PTPRN2: variants seen among roughly 807,000 people sequenced by gnomAD.
The protein encoded by PTPRN2 is receptor-type tyrosine-protein phosphatase N2.
PTPRN2 carries 74 observed loss-of-function variants against 118.8 expected under a neutral mutation model. The observed-to-expected ratio is 0.62, with a 90% CI of 0.52 to 0.76. The LOEUF (loss-of-function observed/expected upper bound fraction) is 0.76. PTPRN2 is among the 30% of genes least tolerant of loss of function. The pLI is 0.00. For synonymous variants in PTPRN2, 641 were observed against 608.0 expected (o/e 1.05, Z -0.80); for missense variants, 1,481 against 1,394.4 (o/e 1.06, Z -0.99).
At chr7:158,410,594 C>A (rs1217116413) in intron 2 of PTPRN2, among the ~76,000 whole-genome samples, 1 of 152,206 alleles carries the variant, frequency 6.6e-6, no homozygotes, top group Non-Finnish European at 1.5e-5. Context: ...GCTTCGGTTT[C>A]CCCAACTTCG....
At chr7:158,337,308 A>T (rs1805810368) in intron 2 of PTPRN2, among the ~76,000 whole-genome samples, 1 of 151,232 alleles carries the variant, frequency 6.6e-6, no homozygotes, top group African/African-American at 2.4e-5. Context: ...TGTCACGCAC[A>T]GACATCATTC....
At position 157,560,293 on chromosome 7, in the gene PTPRN2, G is replaced by A. The variant is rs190463756; in HGVS notation, c.2902+8609C>T. On this transcript the variant is annotated intron_variant, in intron 21 of 22. Transcript: ENST00000389418. This position sits in a 1 kb window ranked among gnomAD's most constrained non-coding sequence, Gnocchi z 6.7. Reference sequence around the variant, plus strand: ...GTACACTCAGTGAGGACGGCTCCATGCACAGGGACGAAGACCCCCGAGGAG... The same window carrying A: ...GTACACTCAGTGAGGACGGCTCCATACACAGGGACGAAGACCCCCGAGGAG... Among the ~76,000 whole-genome samples the A allele has an allele frequency of 2.8e-3, 430 of 152,256 alleles. 1 individual carries two copies. Among genetic ancestry groups the A allele is most frequent in the African/African-American group, 9.7e-3 (401 of 41,540 alleles).
chr7:158,061,199 T>TA (rs535664930), intron 11 of PTPRN2, among the ~76,000 whole-genome samples: 50 of 152,324 alleles, frequency 3.3e-4, no homozygotes, highest in African/African-American at 1.1e-3. Flanking sequence ...CATCGCAAAT[T>TA]AAAGGGACAA....
intron 11 of PTPRN2, among the ~76,000 whole-genome samples, chr7:157,942,823 G>A (rs1480537388): frequency 6.6e-6 from 1 of 152,242 alleles, no homozygotes; most frequent in Non-Finnish European, 1.5e-5. Flanking sequence ...GCTCAACCTT[G>A]TCCTTCCTTT....
intron 11 of PTPRN2, among the ~76,000 whole-genome samples, chr7:158,080,780 A>G (rs527455686): frequency 5.9e-5 from 9 of 152,298 alleles, no homozygotes; most frequent in Non-Finnish European, 1.3e-4. Flanking sequence ...CCTGGGCTCT[A>G]AACAGTGAAA....
At chr7:157,569,967 G>A (rs1479524436) in intron 20 of PTPRN2, among the ~76,000 whole-genome samples, 1 of 152,256 alleles carries the variant, frequency 6.6e-6, no homozygotes, top group Non-Finnish European at 1.5e-5. Flanking sequence ...TGCCGTCTGT[G>A]ATCCCAAGAA....
intron 2 of PTPRN2, among the ~76,000 whole-genome samples, chr7:158,465,145 T>C (rs1481780896): frequency 6.6e-6 from 1 of 152,230 alleles, no homozygotes; most frequent in Non-Finnish European, 1.5e-5. Context: ...CCTCCTCTCC[T>C]GGGCCTTGTA....
intron 1 of PTPRN2, among the ~76,000 whole-genome samples, chr7:158,516,203 C>T (rs971739923): frequency 2.6e-5 from 4 of 152,162 alleles, no homozygotes; most frequent in African/African-American, 4.8e-5. Context: ...TTCCAGCCAG[C>T]GCAGTGGCTC....
chr7:157,750,507 A>G (rs1377942606), intron 12 of PTPRN2, among the ~76,000 whole-genome samples: 2 of 152,352 alleles, frequency 1.3e-5, no homozygotes, highest in African/African-American at 2.4e-5. Context: ...GTGGCAGGTA[A>G]CATGGAGCTG....
At position 158,281,075 on chromosome 7, in the gene PTPRN2, G is replaced by A. The variant is rs181712113; in HGVS notation, c.277+35744C>T. On this transcript the variant is annotated intron_variant, in intron 3 of 22. Transcript: ENST00000389418. ...TCCCACCACTTTGGGAGGCCGAGTC[G>A]GGCAGATCTCTTGAGATCAGGAGTT... Among the ~76,000 whole-genome samples, 71 of 152,302 alleles carry A rather than the reference G, an allele frequency of 4.7e-4. 1 individual carries two copies. Among genetic ancestry groups the A allele is most frequent in the South Asian group, 6.2e-4 (3 of 4,828 alleles).
intron 11 of PTPRN2, among the ~76,000 whole-genome samples, chr7:158,071,345 G>T (rs1238044279): frequency 1.6e-5 from 2 of 125,492 alleles, no homozygotes; most frequent in South Asian, 2.8e-4. Flanking sequence ...TGGTGGAGGT[G>T]CTCGTGGTGG....
Position 157,585,585 on chromosome 7 carries a change from A to T in PTPRN2, c.2497-7445T>A, listed in dbSNP as rs1800630231. On this transcript the variant is annotated intron_variant, in intron 17 of 22. Transcript: ENST00000389418. The surrounding 1 kb of genome is among the most constrained non-coding windows in gnomAD (Gnocchi z 5.2). The stretch of plus-strand genomic sequence containing the variant: ...AAGTCACCTGGCACAGGCGTCACTG[A>T]GACTCCCTGTGGCCTCTGCCTGTGC... 6.6e-6 allele frequency among the ~76,000 whole-genome samples: 1 copy of T among 152,198 alleles called. No homozygotes were observed.
chr7:158,166,820 G>T (rs1049997925), intron 6 of PTPRN2, 111 bp downstream of exon 6: 11 of 1,292,162 alleles, frequency 8.5e-6, no homozygotes, highest in Non-Finnish European at 1.1e-5. Context: ...GTCCTCGGGG[G>T]AGTGCGGTGT....
intron 1 of PTPRN2, among the ~76,000 whole-genome samples, chr7:158,541,142 A>G (rs1825964515): frequency 6.6e-6 from 1 of 152,180 alleles, no homozygotes; most frequent in Non-Finnish European, 1.5e-5. Context: ...AGTATTCATA[A>G]ACACTAGTGT....
rs756307444 is a variant in PTPRN2 at position 157,606,001 on chromosome 7, G to A, written c.2345-1926C>T. 3.2e-4 allele frequency among the ~76,000 whole-genome samples: 48 copies of A among 151,988 alleles called. 1 individual carries two copies. Among genetic ancestry groups the A allele is most frequent in the South Asian group, 6.2e-4 (3 of 4,838 alleles). On this transcript the variant is annotated intron_variant, in intron 15 of 22. Transcript: ENST00000389418. ...TCCTGCTGCCATTCATGGCACCCAGGCTGTTTGTGCCAAGGGGCACCTGCA... is the reference window on the plus strand; with the variant it reads ...TCCTGCTGCCATTCATGGCACCCAGACTGTTTGTGCCAAGGGGCACCTGCA...
chr7:158,230,804 A>C (rs1829117462), intron 3 of PTPRN2, among the ~76,000 whole-genome samples: 1 of 152,238 alleles, frequency 6.6e-6, no homozygotes, highest in East Asian at 1.9e-4. Context: ...ACAAAATAGC[A>C]GTAGTCAGTC....
intron 11 of PTPRN2, among the ~76,000 whole-genome samples, chr7:157,927,091 G>A (rs35286651): frequency 0.38 from 25,632 of 68,208 alleles, 4,501 homozygotes; most frequent in East Asian, 0.55. Context: ...CCGAAGACAG[G>A]AAGCCCCAGG....
intron 1 of PTPRN2, among the ~76,000 whole-genome samples, chr7:158,550,176 T>C (rs920479315): frequency 2.6e-5 from 4 of 152,122 alleles, no homozygotes; most frequent in South Asian, 2.1e-4. Context: ...CTCCTCGAGC[T>C]CCTCGGAGCC....
chr7:158,366,053 G>A (rs111976828), intron 2 of PTPRN2, among the ~76,000 whole-genome samples: 5,308 of 138,452 alleles, frequency 0.038, 387 homozygotes, highest in African/African-American at 0.14. Context: ...CCTAGAAGCT[G>A]CAGCCCAATG....
Sources: allele counts gnomAD v4.1 joint callset (sites outside exome capture counted in the v4.1 genomes callset), GRCh38; gene constraint gnomAD v4.1.1; non-coding constraint Gnocchi (gnomAD v3.1); transcripts MANE v1.5; gene names NCBI Gene and HGNC (gene_info 2026-07-23, HGNC 2026-07-21).